MYLK4: variants seen among roughly 807,000 people sequenced by gnomAD.
MYLK4 encodes the protein caMLCK like.
In MYLK4, 46 loss-of-function variants were observed where a neutral mutation model predicts 48.1. The observed-to-expected ratio is 0.96, with a 90% CI of 0.75 to 1.22. MYLK4 has a LOEUF of 1.22. MYLK4 is among the 50% of genes most tolerant of loss of function. The probability of loss-of-function intolerance (pLI) is 0.00; values close to 1 mark genes in which losing one functional copy is unlikely to be tolerated. For synonymous variants in MYLK4, 170 were observed against 180.8 expected (o/e 0.94, Z 0.48); for missense variants, 451 against 486.1 (o/e 0.93, Z 0.68).
chr6:2,669,190 G>A (rs1036530386), intron 12 of MYLK4, among the ~76,000 whole-genome samples: 4 of 152,206 alleles, frequency 2.6e-5, no homozygotes, highest in Non-Finnish European at 4.4e-5. Flanking sequence ...GGCCAAATGG[G>A]GCTGAAGAGT....
chr6:2,675,252 C>G, intron 10 of MYLK4, 127 bp from the exon 11 acceptor site: 1 of 697,768 alleles, frequency 1.4e-6, no homozygotes, highest in Non-Finnish European at 2.6e-6. Context: ...ATGGTCAATT[C>G]TGCCTTCTCT....
At chr6:2,766,390 G>A in the MYLK4 span, 38 of 1,607,468 alleles carry the variant, frequency 2.4e-5, no homozygotes, top group African/African-American at 5.1e-4. Flanking sequence ...GCTCGCTCCT[G>A]GAGACCAACG....
the MYLK4 span, among the ~76,000 whole-genome samples, chr6:2,762,985 C>T: frequency 5.5e-3 from 836 of 152,264 alleles, 8 homozygotes; most frequent in African/African-American, 0.019. Context: ...AAGAACAAAA[C>T]ACCCACACAA....
chr6:2,669,149 G>A (rs772539644), intron 12 of MYLK4, among the ~76,000 whole-genome samples: 9 of 152,164 alleles, frequency 5.9e-5, no homozygotes, highest in Non-Finnish European at 1.3e-4. Flanking sequence ...ATTCTTCCTT[G>A]GCCTGTAGTG....
intron 2 of MYLK4, among the ~76,000 whole-genome samples, chr6:2,706,410 T>C (rs987234242): frequency 5.9e-5 from 9 of 152,138 alleles, no homozygotes; most frequent in Non-Finnish European, 1.3e-4. Context: ...TTGGAGGTGA[T>C]GGATAAGTTT....
the MYLK4 span, among the ~76,000 whole-genome samples, chr6:2,762,978 AACAAAACACCCAC>A: frequency 6.6e-6 from 1 of 150,498 alleles, no homozygotes; most frequent in African/African-American, 2.5e-5. Flanking sequence ...AAAATAAAAG[AACAAAACACCCAC>A]ACAAGCAAAA....
chr6:2,703,195 G>A (rs573786783), intron 2 of MYLK4, among the ~76,000 whole-genome samples: 9 of 152,274 alleles, frequency 5.9e-5, no homozygotes, highest in African/African-American at 7.2e-5. Flanking sequence ...ACCTTGATAC[G>A]TGAGCAACTG....
intron 2 of MYLK4, among the ~76,000 whole-genome samples, chr6:2,732,921 G>C (rs1449109898): frequency 1.3e-5 from 2 of 152,122 alleles, no homozygotes; most frequent in Admixed American, 1.3e-4. Flanking sequence ...CTGCTCCCTT[G>C]ATCTATTTGT....
chr6:2,751,481 A>T (rs956630188), upstream of MYLK4, among the ~76,000 whole-genome samples: 2 of 152,218 alleles, frequency 1.3e-5, no homozygotes, highest in African/African-American at 4.8e-5. Flanking sequence ...CTTAAGCAAC[A>T]CTAGGACTTC....
intron 2 of MYLK4, among the ~76,000 whole-genome samples, chr6:2,713,334 A>T (rs12209126): frequency 0.45 from 67,252 of 150,902 alleles, 15,886 homozygotes; most frequent in East Asian, 0.57. Context: ...CGATCGCATC[A>T]TTGGACTCCA....
intron 10 of MYLK4, among the ~76,000 whole-genome samples, chr6:2,675,874 C>T (rs552707063): frequency 6.6e-5 from 10 of 152,104 alleles, no homozygotes; most frequent in East Asian, 3.9e-4. Flanking sequence ...GGGTGGATCA[C>T]GAAATCAGGA....
rs12196245 is a variant in MYLK4 at position 2,687,723 on chromosome 6, G to T, written c.341+1128C>A. ...TCCAGGTGGTTCCATTCGGCACAGG[G>T]CAAAGAAATACGGAGTGGGAAGAGG... On this transcript the variant is annotated intron_variant, in intron 4 of 12. Transcript: ENST00000274643. Among the ~76,000 whole-genome samples the T allele has an allele frequency of 5.0e-3, 756 of 152,276 alleles. 14 individuals carry two copies. The highest frequency in any genetic ancestry group is 3.1e-3 in the Non-Finnish European group (209 of 68,018).
At chr6:2,743,854 C>T (rs919230151) in intron 2 of MYLK4, 12 of 398,256 alleles carry the variant, frequency 3.0e-5, no homozygotes, top group Middle Eastern at 6.2e-4. Context: ...TGGAAACATT[C>T]GAACAAAATG....
At chr6:2,715,495 T>C (rs1010732174) in intron 2 of MYLK4, among the ~76,000 whole-genome samples, 2 of 152,234 alleles carry the variant, frequency 1.3e-5, no homozygotes, top group Admixed American at 6.5e-5. Flanking sequence ...GAAAATTGGC[T>C]GATCCAAACA....
chr6:2,686,067 CAAAA>C (rs35091208), intron 4 of MYLK4, among the ~76,000 whole-genome samples: 1 of 119,230 alleles, frequency 8.4e-6, no homozygotes, highest in Non-Finnish European at 1.7e-5. Context: ...GAATCCATCT[CAAAA>C]AAAAAAAAAA....
At chr6:2,688,018 C>T (rs1035122361) in intron 4 of MYLK4, among the ~76,000 whole-genome samples, 1 of 152,042 alleles carries the variant, frequency 6.6e-6, no homozygotes, top group Non-Finnish European at 1.5e-5. Context: ...GAAGCGGGTC[C>T]CTGATGGACT....
chr6:2,693,367 T>C (rs1761889232), intron 2 of MYLK4, among the ~76,000 whole-genome samples: 1 of 152,172 alleles, frequency 6.6e-6, no homozygotes, highest in Non-Finnish European at 1.5e-5. Flanking sequence ...ATAAATCAAA[T>C]AGAAATGAGA....
chr6:2,763,848 GAAA>G, the MYLK4 span, among the ~76,000 whole-genome samples: 64 of 150,068 alleles, frequency 4.3e-4, 1 homozygote, highest in African/African-American at 1.1e-3. Flanking sequence ...AGGGACAAAT[GAAA>G]AAAAAAAGCT....
chr6:2,694,073 ACACAATGC>A, intron 2 of MYLK4, among the ~76,000 whole-genome samples: 1 of 152,260 alleles, frequency 6.6e-6, no homozygotes, highest in Non-Finnish European at 1.5e-5. Context: ...ATGTGCTTTT[ACACAATGC>A]AGGGGGCAGC....
Sources: allele counts gnomAD v4.1 joint callset (sites outside exome capture counted in the v4.1 genomes callset), GRCh38; gene constraint gnomAD v4.1.1; transcripts MANE v1.5; gene names NCBI Gene and HGNC (gene_info 2026-07-23, HGNC 2026-07-21).